The following ZIC4 variants were observed in gnomAD, a reference collection of about 807,000 sequenced individuals.
The protein encoded by ZIC4 is zinc finger protein ZIC 4.
ZIC4 carries 15 observed loss-of-function variants against 28.8 expected under a neutral mutation model. The observed-to-expected ratio is 0.52, with a 90% CI of 0.35 to 0.80. ZIC4 has a LOEUF of 0.80. ZIC4 is among the 30% of genes least tolerant of loss of function. The probability of loss-of-function intolerance (pLI) is 0.01; values close to 1 mark genes in which losing one functional copy is unlikely to be tolerated. For missense variants in ZIC4, 512 were observed against 467.1 expected (o/e 1.10, Z -0.89); for synonymous variants, 220 against 198.1 (o/e 1.11, Z -0.93).
At chr3:147,402,878 C>T (rs2087198201) in intron 1 of ZIC4, 66 bp from the exon 2 acceptor site, 3 of 1,367,964 alleles carry the variant, frequency 2.2e-6, no homozygotes, top group Admixed American at 1.7e-5. Flanking sequence ...TGGCAACATC[C>T]TGTGGTTTGA....
rs2087003712 is a variant in ZIC4, at chr3:147,394,772, G to A, written c.688+1080C>T. On this transcript the variant is annotated intron_variant, in intron 3 of 4. Transcript: ENST00000383075. ...TGGTCTCCGCATGTGCCAGTGTCCG[G>A]GCCATGGACCTTCCCCGGGAAGGGA... Among the ~76,000 whole-genome samples, 2 of 152,202 alleles carry A rather than the reference G, an allele frequency of 1.3e-5. 1 individual carries two copies. Among genetic ancestry groups the A allele is most frequent in the South Asian group, 4.1e-4 (2 of 4,834 alleles).
chr3:147,399,824 C>T (rs373431041), intron 2 of ZIC4, among the ~76,000 whole-genome samples: 42 of 152,216 alleles, frequency 2.8e-4, no homozygotes, highest in African/African-American at 1.0e-3. Flanking sequence ...CAGCATCATG[C>T]CCAGCTAATT....
chr3:147,393,936 G>A (rs1426346627), intron 3 of ZIC4: 3 of 456,746 alleles, frequency 6.6e-6, no homozygotes, highest in East Asian at 7.0e-5. Flanking sequence ...CCAGGCCCCG[G>A]ATTCAGGTCA....
intron 4 of ZIC4, among the ~76,000 whole-genome samples, chr3:147,389,704 A>G (rs1472391045): frequency 3.3e-5 from 5 of 152,116 alleles, no homozygotes; most frequent in Non-Finnish European, 5.9e-5. Context: ...CATATCAAAT[A>G]CACATTCAAT....
chr3:147,394,922 G>A (rs2087007082), intron 3 of ZIC4, among the ~76,000 whole-genome samples: 1 of 152,148 alleles, frequency 6.6e-6, no homozygotes, highest in South Asian at 2.1e-4. Flanking sequence ...AGGAGAAGTG[G>A]GGCACCAAGC....
At chr3:147,397,924 T>C (rs928391690) in intron 2 of ZIC4, among the ~76,000 whole-genome samples, 1 of 152,028 alleles carries the variant, frequency 6.6e-6, no homozygotes, top group Non-Finnish European at 1.5e-5. Flanking sequence ...CTCTATACTC[T>C]CTTCCCATTT....
chr3:147,405,584 G>C, intron 1 of ZIC4: 1 of 1,121,072 alleles, frequency 8.9e-7, no homozygotes, highest in Non-Finnish European at 1.3e-6. Flanking sequence ...TCTAGGCTAG[G>C]GGCCAGAATC....
chr3:147,397,378 C>T (rs1284675434), intron 2 of ZIC4, among the ~76,000 whole-genome samples: 1 of 151,966 alleles, frequency 6.6e-6, no homozygotes, highest in Admixed American at 6.6e-5. Context: ...CCCCCTCACA[C>T]ACCTCTCCCC....
Position 147,396,252 on chromosome 3 carries a change from A to C in ZIC4, c.288T>G (p.His96Gln). 1 of 1,613,066 alleles carries C rather than the reference A, an allele frequency of 6.2e-7. No homozygotes were observed. The highest frequency in any genetic ancestry group is 8.5e-7 in the Non-Finnish European group (1 of 1,179,488). Reference sequence around the variant, plus strand: ...CCGTCAGGTTCATGCCCCCGTAGCCATGCAGGGCTGCGGCAGCTGCCAGGG... The same window carrying C: ...CCGTCAGGTTCATGCCCCCGTAGCCCTGCAGGGCTGCGGCAGCTGCCAGGG... ...SDALAAAAALHGYGGMNLTVN... is the reference protein window; with the variant it reads ...SDALAAAAALQGYGGMNLTVN... Residue 96 changes from histidine to glutamine, a missense_variant, in exon 3 of 5, where the codon CAT (histidine) becomes CAG (glutamine). Around this residue, in one of 3 missense-constraint regions of ZIC4, gnomAD observed 310 missense variants for 256.5 expected, o/e 1.21. Transcript: ENST00000383075. The surrounding 1 kb of genome is among the most constrained non-coding windows in gnomAD (Gnocchi z 4.2).
chr3:147,405,741 G>A, intron 1 of ZIC4: 1 of 521,176 alleles, frequency 1.9e-6, no homozygotes, highest in East Asian at 3.5e-5. Flanking sequence ...CCAGGGTGAG[G>A]GAGGGCAAGG....
chr3:147,396,580 G>A lies in ZIC4; in HGVS notation c.71-111C>T, dbSNP rs2087049216. 27 of 1,347,864 alleles carry A rather than the reference G, an allele frequency of 2.0e-5. No homozygotes were observed. The South Asian group carries it at 4.3e-4, about 21-fold the overall frequency. The allele number at this position is 1,347,864 out of a possible 1,614,324, so 83.5% of individuals were successfully genotyped here. On this transcript the variant is annotated intron_variant, in intron 2 of 4. Coordinates refer to ENST00000383075, the MANE Select transcript of ZIC4 (RefSeq NM_032153.6). This position sits in a 1 kb window ranked among gnomAD's most constrained non-coding sequence, Gnocchi z 4.2. ...TGCCGCACTACGGCCTCTGCAGTCA[G>A]CCGTGGAACTCAGAGCCAGACAGCG...
chr3:147,404,210 T>A, intron 1 of ZIC4: 1 of 1,470,890 alleles, frequency 6.8e-7, no homozygotes, highest in Non-Finnish European at 9.0e-7. Flanking sequence ...GAAATGGGTG[T>A]GAGGTTCCCT....
chr3:147,392,572 T>A, intron 3 of ZIC4: 1 of 368,184 alleles, frequency 2.7e-6, no homozygotes, highest in Non-Finnish European at 3.8e-6. Flanking sequence ...CGCTCTGAGT[T>A]AAGGGACCGG....
At chr3:147,399,249 C>G (rs2087114772) in intron 2 of ZIC4, among the ~76,000 whole-genome samples, 1 of 152,166 alleles carries the variant, frequency 6.6e-6, no homozygotes, top group Admixed American at 6.5e-5. Context: ...CAACAGGCAC[C>G]ATCTCTCTGA....
chr3:147,387,598 C>A lies in ZIC4; in HGVS notation c.*1261G>T, dbSNP rs554465063. On this transcript the variant is annotated 3_prime_UTR_variant, in exon 5 of 5. Coordinates refer to ENST00000383075, the MANE Select transcript of ZIC4 (RefSeq NM_032153.6). ...TGGGGTACTTGGATAAAATAAACAA[C>A]AAGACAATTAAGGGAACATGGACTT... 1 of 152,528 alleles carries A rather than the reference C, an allele frequency of 6.6e-6. No individual in the cohort carries two copies. The highest frequency in any genetic ancestry group is 2.1e-4 in the South Asian group (1 of 4,828). 9.4% of individuals were successfully genotyped at this position (152,528 alleles called of 1,614,324 possible). A position where few individuals can be genotyped will look rare whatever the true frequency, so the allele number is the denominator to read the frequency against.
chr3:147,396,700 C>T lies in ZIC4; in HGVS notation c.71-231G>A. 1 of 493,174 alleles carries T rather than the reference C, an allele frequency of 2.0e-6. No individual in the cohort carries two copies. The highest frequency in any genetic ancestry group is 3.5e-6 in the Non-Finnish European group (1 of 288,238). The allele number at this position is 493,174 out of a possible 1,614,324, so 30.5% of individuals were successfully genotyped here. A position where few individuals can be genotyped will look rare whatever the true frequency, so the allele number is the denominator to read the frequency against. ...GCCAAGTCCCCCGCCGCGCCATGAG[C>T]TAGAGAGGGATGGTAGCGGCAGAGT... On this transcript the variant is annotated intron_variant, in intron 2 of 4. Coordinates refer to ENST00000383075, the MANE Select transcript of ZIC4 (RefSeq NM_032153.6). This position sits in a 1 kb window ranked among gnomAD's most constrained non-coding sequence, Gnocchi z 4.2.
At chr3:147,400,161 T>C (rs2087135992) in intron 2 of ZIC4, among the ~76,000 whole-genome samples, 1 of 152,196 alleles carries the variant, frequency 6.6e-6, no homozygotes, top group African/African-American at 2.4e-5. Context: ...AACTTTCCAA[T>C]AGAAGGTTGT....
At chr3:147,398,665 T>A (rs1449668602) in intron 2 of ZIC4, among the ~76,000 whole-genome samples, 1 of 152,084 alleles carries the variant, frequency 6.6e-6, no homozygotes, top group African/African-American at 2.4e-5. Flanking sequence ...TGGGCTTCCC[T>A]GGCGGCCATA....
chr3:147,405,487 G>T, intron 1 of ZIC4: 1 of 1,536,958 alleles, frequency 6.5e-7, no homozygotes, highest in Non-Finnish European at 8.7e-7. Context: ...CCAACTTTCA[G>T]ATCCAACCTT....
Sources: gnomAD v4.1 joint callset for allele counts (sites outside exome capture counted in the v4.1 genomes callset) on GRCh38, gnomAD v4.1.1 for gene constraint, gnomAD v4.1.1 regional missense constraint, Gnocchi (gnomAD v3.1) non-coding constraint, MANE v1.5 for transcripts, NCBI Gene and HGNC (gene_info 2026-07-23, HGNC 2026-07-21) for gene names.